Variants in RNF123 observed in about 807,000 individuals in gnomAD.
The protein encoded by RNF123 is E3 ubiquitin-protein ligase RNF123.
In RNF123, 86 loss-of-function variants were observed where a neutral mutation model predicts 168.5. That is an observed-to-expected ratio of 0.51 (90% CI 0.43 to 0.61). RNF123 has a LOEUF of 0.61. Among genes scored for constraint, RNF123 ranks in the 20% least tolerant of loss-of-function variants. The pLI is 0.00. For missense variants in RNF123, 1,419 were observed against 1,729.7 expected (o/e 0.82, Z 3.19); for synonymous variants, 666 against 689.1 (o/e 0.97, Z 0.52).
In RNF123 at chr3:49,718,412, A is replaced by C. The variant is rs776880189; in HGVS notation, c.3500+1935A>C. On this transcript the variant is annotated intron_variant, in intron 35 of 38. Coordinates refer to ENST00000327697, the MANE Select transcript of RNF123 (RefSeq NM_022064.5). ...TGCAGGCGGGGCCCAGTGGCCAGGCACACGAAGAGTCCCGCATGCTGCTCC... is the reference window on the plus strand; with the variant it reads ...TGCAGGCGGGGCCCAGTGGCCAGGCCCACGAAGAGTCCCGCATGCTGCTCC... 1.5e-5 allele frequency: 25 copies of C among 1,612,928 alleles called. No individual in the cohort carries two copies. Among genetic ancestry groups the C allele is most frequent in the Admixed American group, 1.2e-4 (7 of 60,006 alleles).
intron 37 of RNF123, 54 bp from the exon 38 acceptor site, chr3:49,720,966 A>G (rs1325063134): frequency 1.2e-6 from 2 of 1,607,786 alleles, no homozygotes; most frequent in Non-Finnish European, 1.7e-6. Flanking sequence ...CACAACGGAC[A>G]TCCACATAGC....
chr3:49,711,822 A>T (rs1263505149), intron 26 of RNF123, among the ~76,000 whole-genome samples: 1 of 152,136 alleles, frequency 6.6e-6, no homozygotes, highest in Admixed American at 6.5e-5. Flanking sequence ...TCCACCAGTC[A>T]CACTGCCCCC....
intron 26 of RNF123, among the ~76,000 whole-genome samples, chr3:49,711,489 A>C (rs2080144355): frequency 6.6e-6 from 1 of 152,134 alleles, no homozygotes. Context: ...GGCCATTGCC[A>C]GCCCCTCACC....
chr3:49,719,812 A>C, intron 35 of RNF123: 1 of 254,164 alleles, frequency 3.9e-6, no homozygotes, highest in East Asian at 8.9e-5. Context: ...TGACCGCCAG[A>C]TGGGGAGCAA....
At chr3:49,705,282 C>T in intron 23 of RNF123, 100 bp downstream of exon 23, 1 of 1,397,846 alleles carries the variant, frequency 7.2e-7, no homozygotes, top group Non-Finnish European at 9.7e-7. Flanking sequence ...GCCCTCCCAG[C>T]CCTGTGGCCT....
intron 38 of RNF123, 34 bp downstream of exon 38, chr3:49,721,139 G>A: frequency 6.2e-7 from 1 of 1,614,092 alleles, no homozygotes; most frequent in Non-Finnish European, 8.5e-7. Context: ...GGTGGGGAGA[G>A]CAGTAGGTAC....
intron 31 of RNF123, 105 bp downstream of exon 31, chr3:49,714,279 T>G: frequency 1.1e-5 from 11 of 1,030,528 alleles, no homozygotes; most frequent in Non-Finnish European, 1.5e-5. Flanking sequence ...CCTCTCTGGT[T>G]CCCCCATTGG....
At chr3:49,720,962 GGACATCCACATAGCCA>G in intron 37 of RNF123, 42 bp from the exon 38 acceptor site, 1 of 1,607,500 alleles carries the variant, frequency 6.2e-7, no homozygotes, top group African/African-American at 1.3e-5. Flanking sequence ...CAGGCACAAC[GGACATCCACATAGCCA>G]GGCATCCAAC....
intron 35 of RNF123, 192 bp from the exon 36 acceptor site, chr3:49,720,319 A>G: frequency 2.6e-6 from 1 of 377,590 alleles, no homozygotes; most frequent in East Asian, 4.7e-5. Flanking sequence ...CGTCTCAAGA[A>G]AAAAAAAAAA....
intron 31 of RNF123, 72 bp from the exon 32 acceptor site, chr3:49,715,503 G>T: frequency 6.3e-7 from 1 of 1,584,612 alleles, no homozygotes; most frequent in South Asian, 1.1e-5. Context: ...CTCAATGGGC[G>T]AGGACAGAGG....
chr3:49,700,128 C>A, intron 12 of RNF123, 99 bp from the exon 13 acceptor site: 1 of 1,545,932 alleles, frequency 6.5e-7, no homozygotes, highest in Non-Finnish European at 8.8e-7. Context: ...TGGCTCAAGG[C>A]TCTGTGCCTG....
rs928049070 is a variant in RNF123 at position 49,713,835 on chromosome 3, G to T, written c.2837+10G>T. The T allele has an allele frequency of 1.9e-6, 3 of 1,613,172 alleles. No homozygotes were observed. Among genetic ancestry groups the T allele is most frequent in the Non-Finnish European group, 2.5e-6 (3 of 1,179,818 alleles). On this transcript the variant is annotated intron_variant, in intron 29 of 38. Coordinates refer to ENST00000327697, the MANE Select transcript of RNF123 (RefSeq NM_022064.5). ...GAATCCCCGAGGAGCAGTGAGTGGG[G>T]CCTGGGGGGCACACACCCTGGCCAC...
At chr3:49,695,079 C>G (rs2054241274) in intron 3 of RNF123, among the ~76,000 whole-genome samples, 1 of 152,204 alleles carries the variant, frequency 6.6e-6, no homozygotes, top group Admixed American at 6.5e-5. Context: ...AGGCACACGA[C>G]TTTTGGGGTC....
intron 21 of RNF123, among the ~76,000 whole-genome samples, chr3:49,704,142 AGCGGGGAGCAAGGCCTGG>A (rs1417958783): frequency 6.6e-6 from 1 of 152,078 alleles, no homozygotes. Flanking sequence ...CAGCGCGTTT[AGCGGGGAGCAAGGCCTGG>A]GCGGGGGGCA....
intron 33 of RNF123, 37 bp from the exon 34 acceptor site, chr3:49,716,065 C>G: frequency 1.2e-6 from 2 of 1,613,462 alleles, no homozygotes; most frequent in Non-Finnish European, 1.7e-6. Flanking sequence ...ATTGATGACG[C>G]TCCCCATCCA....
In RNF123 at chr3:49,691,180, G is replaced by A; in HGVS notation, c.15G>A (p.Gly5=). 1.9e-6 allele frequency: 3 copies of A among 1,613,916 alleles called. No individual in the cohort carries two copies. The highest frequency in any genetic ancestry group is 2.5e-6 in the Non-Finnish European group (3 of 1,179,826). MASK[G]AGMSFSRKSY... is the part of the protein sequence containing the mutation. Reference sequence around the variant, plus strand: ...AGAGATGAAGGATGGCATCCAAGGGGGCCGGCATGTCTTTCTCCCGCAAGA... The same window carrying A: ...AGAGATGAAGGATGGCATCCAAGGGAGCCGGCATGTCTTTCTCCCGCAAGA... The change falls in exon 2 of 39, where the codon GGG becomes GGA. Residue 5 remains glycine, a synonymous_variant. Coordinates refer to ENST00000327697, the MANE Select transcript of RNF123 (RefSeq NM_022064.5).
Position 49,715,639 on chromosome 3 carries a change from G to T in RNF123, c.3075G>T (p.Val1025=), listed in dbSNP as rs773956529. The change falls in exon 32 of 39, where the codon GTG becomes GTT. Residue 1025 remains valine, a synonymous_variant. Coordinates refer to ENST00000327697, the MANE Select transcript of RNF123 (RefSeq NM_022064.5). The part of the protein sequence containing the change: ...MADLLQQGPD[V]APSFLNSVLN... ...ACCTCCTACAGCAGGGTCCTGATGT[G>T]GCACCCAGCTTCCTCAACAGCGTCC... 2 of 1,614,204 alleles carry T rather than the reference G, an allele frequency of 1.2e-6. No homozygotes were observed. The highest frequency in any genetic ancestry group is 1.7e-6 in the Non-Finnish European group (2 of 1,180,028).
intron 27 of RNF123, chr3:49,713,194 G>T: frequency 3.4e-6 from 2 of 591,490 alleles, no homozygotes; most frequent in Non-Finnish European, 6.0e-6. Context: ...AGGCCTCAGT[G>T]CAGGCTTTGT....
chr3:49,715,952 A>C lies in RNF123; in HGVS notation c.3281A>C (p.Glu1094Ala). 3 of 1,614,018 alleles carry C rather than the reference A, an allele frequency of 1.9e-6. No individual in the cohort carries two copies. Among genetic ancestry groups the C allele is most frequent in the Non-Finnish European group, 2.5e-6 (3 of 1,180,028 alleles). ...GAGATGACTATCACACTGGTGCCTG[A>C]GATATTCCTTGACTGGACCCGGCCT... The part of the protein sequence containing the change: ...VLEMTITLVP[E>A]IFLDWTRPTS... Residue 1094 changes from glutamate (E) to alanine (A), a missense_variant, in exon 33 of 39, where the codon GAG becomes GCG. Physicochemically the swap from Glu to Ala is moderately radical, Grantham distance 107. Transcript: ENST00000327697.
Sources: allele counts gnomAD v4.1 joint callset (sites outside exome capture counted in the v4.1 genomes callset), GRCh38; gene constraint gnomAD v4.1.1; transcripts MANE v1.5; gene names NCBI Gene and HGNC (gene_info 2026-07-23, HGNC 2026-07-21).